AKAP4: variants seen among roughly 807,000 people sequenced by gnomAD.
AKAP4 encodes the protein A-kinase anchoring protein 4, also known as A-kinase anchor protein 4.
In AKAP4, 4 loss-of-function variants were observed where a neutral mutation model predicts 42.6. The observed-to-expected ratio is 0.09, with a 90% CI of 0.05 to 0.22. The LOEUF is 0.22. Ranked by LOEUF, AKAP4 falls within the 10% of genes least tolerant of loss-of-function variation. The pLI is 1.00. For synonymous variants in AKAP4, 223 were observed against 233.0 expected (o/e 0.96, Z 0.39); for missense variants, 551 against 630.7 (o/e 0.87, Z 1.35).
rs1557203770 is a variant in AKAP4, at chrX:50,192,543, A to G, written c.2170T>C (p.Leu724=). ...TTTGCCGAGGCTGCTTGTTCTTCCA[A>G]CTCAGCAAGGGCTGCCCCATCGTTG... ...YSNDGAALAE[L]EEQAASANKP... Residue 724 remains leucine (L), a synonymous_variant, in exon 5 of 6, where the codon TTG becomes CTG. Transcript: ENST00000358526. 8.3e-7 allele frequency: 1 copy of G among 1,211,097 alleles called. No individual in the cohort carries two copies. Among genetic ancestry groups the G allele is most frequent in the African/African-American group, 1.7e-5 (1 of 57,638 alleles).
At position 50,192,523 on chromosome X, in the gene AKAP4, C is replaced by T. The variant is rs145663575; in HGVS notation, c.2190G>A (p.Ser730=). ...ALAELEEQAA[S]ANKPNFRGTR... is the part of the protein sequence containing the mutation. ...TGCCCCTGAAATTGGGCTTATTTGC[C>T]GAGGCTGCTTGTTCTTCCAACTCAG... The change falls in exon 5 of 6, where the codon TCG becomes TCA. Residue 730 remains serine, a synonymous_variant. Transcript: ENST00000358526. The T allele has an allele frequency of 4.1e-6, 5 of 1,209,556 alleles. No homozygotes were observed. Among genetic ancestry groups the T allele is most frequent in the East Asian group, 3.0e-5 (1 of 33,739 alleles).
At chrX:50,195,130 T>C (rs1935172988) in intron 4 of AKAP4, among the ~76,000 whole-genome samples, 1 of 112,410 alleles carries the variant, frequency 8.9e-6, no homozygotes, top group Non-Finnish European at 1.9e-5. Context: ...CATTCATTAA[T>C]ATAATAGATA....
In AKAP4 at chrX:50,196,335, T is replaced by C. The variant is rs781984424; in HGVS notation, c.276+556A>G. Among the ~76,000 whole-genome samples, 4 of 111,725 alleles carry C rather than the reference T, an allele frequency of 3.6e-5. No individual in the cohort carries two copies. The East Asian group carries it at 1.1e-3, about 31-fold the overall frequency. On this transcript the variant is annotated intron_variant, in intron 4 of 5. Coordinates refer to ENST00000358526, the MANE Select transcript of AKAP4 (RefSeq NM_003886.3). ...CTTGTAGGTATGAGAGGGTGACTTGTTGTATGCTCCAGTGCCCTCCCAAAA... is the reference window on the plus strand; with the variant it reads ...CTTGTAGGTATGAGAGGGTGACTTGCTGTATGCTCCAGTGCCCTCCCAAAA...
Position 50,191,134 on chromosome X carries a change from T to C in AKAP4, c.2410-19A>G. On this transcript the variant is annotated intron_variant, in intron 5 of 5. Transcript: ENST00000358526. The stretch of plus-strand genomic sequence containing the variant: ...GAGGAAGCTGTGGGGAAAACAGAGC[T>C]AGTGTGAGTTGCGTGATGCTTTTTG... 1 of 1,202,152 alleles carries C rather than the reference T, an allele frequency of 8.3e-7. No homozygotes were observed. Among genetic ancestry groups the C allele is most frequent in the African/African-American group, 1.7e-5 (1 of 57,404 alleles).
chrX:50,193,087 C>A lies in AKAP4; in HGVS notation c.1626G>T (p.Lys542Asn). 8.3e-7 allele frequency: 1 copy of A among 1,211,984 alleles called. No homozygotes were observed. The highest frequency in any genetic ancestry group is 1.1e-6 in the Non-Finnish European group (1 of 895,588). ...KINASTDSLA[K>N]DLIVSALKLI... ...GCTTAAGGGCAGAGACAATCAGGTC[C>A]TTGGCCAGTGAATCTGTGGAAGCAT... Residue 542 changes from lysine (K) to asparagine (N), a missense_variant, in exon 5 of 6, where the codon AAG (lysine) becomes AAT (asparagine). Lys to Asn is a moderately conservative substitution (Grantham distance 94, BLOSUM62 0). Transcript: ENST00000358526.
Position 50,192,655 on chromosome X carries a change from G to A in AKAP4, c.2058C>T (p.Thr686=), listed in dbSNP as rs1374114243. The change falls in exon 5 of 6, where the codon ACC becomes ACT. Residue 686 remains threonine (T), a synonymous_variant. Coordinates refer to ENST00000358526, the MANE Select transcript of AKAP4 (RefSeq NM_003886.3). ...QCQEHQELDC[T]SGMKQANGQF... ...GCCCGTTCGCTTGCTTCATCCCACT[G>A]GTACAGTCAAGTTCTTGATGCTCCT... 1.7e-6 allele frequency: 2 copies of A among 1,209,591 alleles called. No homozygotes were observed. The highest frequency in any genetic ancestry group is 1.8e-5 in the African/African-American group (1 of 57,136).
intron 3 of AKAP4, 93 bp downstream of exon 3, chrX:50,197,451 C>T (rs1935204873): frequency 1.2e-6 from 1 of 833,998 alleles, no homozygotes; most frequent in Admixed American, 2.6e-5. Context: ...CCTTTCCCCT[C>T]TCTCCCCCCA....
At chrX:50,198,601 C>A in intron 2 of AKAP4, 56 bp downstream of exon 2, 1 of 935,776 alleles carries the variant, frequency 1.1e-6, no homozygotes, top group Non-Finnish European at 1.5e-6. Flanking sequence ...CCCAGGATAT[C>A]TATACCCATA....
chrX:50,192,159 G>T, intron 5 of AKAP4, 145 bp downstream of exon 5: 1 of 537,512 alleles, frequency 1.9e-6, no homozygotes, highest in Non-Finnish European at 2.9e-6. Flanking sequence ...CCGTTTTTGT[G>T]TCTTTTTATG....
intron 5 of AKAP4, among the ~76,000 whole-genome samples, chrX:50,191,674 G>GAGAGAA (rs2146960968): frequency 9.4e-6 from 1 of 106,612 alleles, no homozygotes; most frequent in East Asian, 3.0e-4. Flanking sequence ...GAGAGAAAGA[G>GAGAGAA]AGAGAGAGAG....
At chrX:50,191,709 T>G (rs1430398695) in intron 5 of AKAP4, among the ~76,000 whole-genome samples, 1 of 106,116 alleles carries the variant, frequency 9.4e-6, no homozygotes, top group Non-Finnish European at 1.9e-5. Context: ...TGTGCATCTA[T>G]ATGAATGTAT....
intron 1 of AKAP4, chrX:50,200,151 G>C (rs1935245216): frequency 2.9e-6 from 2 of 684,705 alleles, no homozygotes; most frequent in South Asian, 7.7e-5. Flanking sequence ...TGGAGGCATA[G>C]AGTCCCTCAT....
At chrX:50,198,623 C>G (rs1557204581) in intron 2 of AKAP4, 34 bp downstream of exon 2, 1 of 1,120,997 alleles carries the variant, frequency 8.9e-7, no homozygotes, top group Middle Eastern at 2.4e-4. Flanking sequence ...GCCAATTTTT[C>G]CTACTCCTCG....
At chrX:50,197,522 A>T (rs782462101) in intron 3 of AKAP4, 22 bp downstream of exon 3, 2 of 1,183,150 alleles carry the variant, frequency 1.7e-6, no homozygotes, top group Non-Finnish European at 2.3e-6. Context: ...ACCGATTCTG[A>T]CTCTGAGCAG....
rs1557203879 is a variant in AKAP4 at position 50,192,971 on chromosome X, C to T, written c.1742G>A (p.Ser581Asn). The T allele has an allele frequency of 8.3e-7, 1 of 1,211,739 alleles. No individual in the cohort carries two copies. Among genetic ancestry groups the T allele is most frequent in the East Asian group, 3.0e-5 (1 of 33,837 alleles). Residue 581 changes from serine to asparagine, a missense_variant, in exon 5 of 6, where the codon AGT (serine) becomes AAT (asparagine). By Grantham distance (46) the Ser-to-Asn change is conservative. Coordinates refer to ENST00000358526, the MANE Select transcript of AKAP4 (RefSeq NM_003886.3). ...PGSTMGYMAQSTQYEKCGGGQ... is the reference protein window; with the variant it reads ...PGSTMGYMAQNTQYEKCGGGQ... ...ACCTCCACACTTTTCATATTGAGTA[C>T]TCTGAGCCATATAGCCCATGGTGGA...
Position 50,192,560 on chromosome X carries a change from C to G in AKAP4, c.2153G>C (p.Gly718Ala). The G allele has an allele frequency of 1.7e-6, 2 of 1,211,594 alleles. No individual in the cohort carries two copies. Among genetic ancestry groups the G allele is most frequent in the Non-Finnish European group, 1.1e-6 (1 of 895,524 alleles). ...TTCTTCCAACTCAGCAAGGGCTGCC[C>G]CATCGTTGCTATACTTAGCCATGAT... ...CLIMAKYSND[G>A]AALAELEEQA... Residue 718 changes from glycine to alanine, a missense_variant, in exon 5 of 6, where the codon GGG (glycine) becomes GCG (alanine). By Grantham distance (60) the Gly-to-Ala change is moderately conservative. Coordinates refer to ENST00000358526, the MANE Select transcript of AKAP4 (RefSeq NM_003886.3).
chrX:50,191,662 G>GAGAGAA (rs1330806618), intron 5 of AKAP4, among the ~76,000 whole-genome samples: 4 of 20,118 alleles, frequency 2.0e-4, no homozygotes, highest in Non-Finnish European at 3.0e-4. Context: ...GTGTGTGTGA[G>GAGAGAA]AGAGAGAAAG....
At chrX:50,198,789 A>G (rs1935223873) in intron 1 of AKAP4, 37 bp from the exon 2 acceptor site, 1 of 1,100,244 alleles carries the variant, frequency 9.1e-7, no homozygotes, top group Non-Finnish European at 1.2e-6. Flanking sequence ...AAATGCTTAT[A>G]TATGGTTTTT....
chrX:50,196,807 CT>C (rs1935196541), intron 4 of AKAP4, 83 bp downstream of exon 4: 1 of 674,123 alleles, frequency 1.5e-6, no homozygotes, highest in Non-Finnish European at 2.4e-6. Flanking sequence ...CAGTAAGTGT[CT>C]TACCATGTCT....
Sources: allele counts gnomAD v4.1 joint callset (sites outside exome capture counted in the v4.1 genomes callset), GRCh38; gene constraint gnomAD v4.1.1; transcripts MANE v1.5; gene names NCBI Gene and HGNC (gene_info 2026-07-23, HGNC 2026-07-21).